The following TMEM236 variants were observed in gnomAD, a reference collection of about 807,000 sequenced individuals.
TMEM236 encodes transmembrane protein 236.
Under a neutral mutation model 14.7 loss-of-function variants are expected in TMEM236, and 11 were observed. The observed-to-expected ratio is 0.75, with a 90% CI of 0.47 to 1.24. TMEM236 has a LOEUF of 1.24. Among genes scored for constraint, TMEM236 ranks in the 50% most tolerant of loss-of-function variants. TMEM236 has a pLI of 0.00. For missense variants in TMEM236, 464 were observed against 427.3 expected (o/e 1.09, Z -0.76); for synonymous variants, 182 against 168.6 (o/e 1.08, Z -0.62).
rs1838017331 is a variant in TMEM236, at chr10:17,796,484, T to C, written c.1036T>C (p.Phe346Leu). The C allele has an allele frequency of 3.1e-6, 5 of 1,612,920 alleles. No individual in the cohort carries two copies. The highest frequency in any genetic ancestry group is 4.2e-6 in the Non-Finnish European group (5 of 1,179,170). ...AACCAGAATCAGGATTTTTTCTGCC[T>C]TTGAAATGTCTCCATTTTAAAAAGG... Reference protein sequence around the residue: ...YLTRIRIFSAFEMSPF With the variant: ...YLTRIRIFSALEMSPF The change falls in exon 4 of 4, where the codon TTT becomes CTT. Residue 346 changes from phenylalanine to leucine, a missense_variant. Phe to Leu is a conservative substitution (Grantham distance 22). Transcript: ENST00000377495.
chr10:17,782,276 TATAAAA>T (rs1837763485), intron 3 of TMEM236, among the ~76,000 whole-genome samples: 1 of 152,170 alleles, frequency 6.6e-6, no homozygotes, highest in African/African-American at 2.4e-5. Context: ...TTTAAAAAGT[TATAAAA>T]TAGAGATAAA....
chr10:17,774,550 G>A (rs1837627710), intron 2 of TMEM236, among the ~76,000 whole-genome samples: 1 of 152,076 alleles, frequency 6.6e-6, no homozygotes, highest in Admixed American at 6.5e-5. Flanking sequence ...ATCAAGTGTA[G>A]ATATACATAA....
chr10:17,798,804 G>A lies in TMEM236; in HGVS notation c.*2300G>A, dbSNP rs1838054509. Reference sequence around the variant, plus strand: ...GGTTAGGAGGGTTAAAGGGTAAAGAGTCCTTTGAGCACATTTTCTGGCAAA... The same window carrying A: ...GGTTAGGAGGGTTAAAGGGTAAAGAATCCTTTGAGCACATTTTCTGGCAAA... On this transcript the variant is annotated 3_prime_UTR_variant, in exon 4 of 4. Transcript: ENST00000377495. 2.3e-6 allele frequency: 1 copy of A among 429,210 alleles called. No individual in the cohort carries two copies. The highest frequency in any genetic ancestry group is 4.8e-6 in the Non-Finnish European group (1 of 210,198). The allele number at this position is 429,210 out of a possible 1,614,324, so 26.6% of individuals were successfully genotyped here. A position where few individuals can be genotyped will look rare whatever the true frequency, so the allele number is the denominator to read the frequency against.
At chr10:17,792,426 T>C (rs1837941400) in intron 3 of TMEM236, among the ~76,000 whole-genome samples, 1 of 152,208 alleles carries the variant, frequency 6.6e-6, no homozygotes. Context: ...TCCTGTTCTC[T>C]TTGCAAGAGA....
chr10:17,796,759 A>G lies in TMEM236; in HGVS notation c.*255A>G. 1 of 484,464 alleles carries G rather than the reference A, an allele frequency of 2.1e-6. No homozygotes were observed. Among genetic ancestry groups the G allele is most frequent in the Non-Finnish European group, 3.7e-6 (1 of 270,244 alleles). The allele number at this position is 484,464 out of a possible 1,614,324, so 30.0% of individuals were successfully genotyped here. ...AAAATGTTAGCAGCTAATTTTAGTT[A>G]GTTATGTATACTGAGGTCCCCAACC... On this transcript the variant is annotated 3_prime_UTR_variant, in exon 4 of 4. Coordinates refer to ENST00000377495, the MANE Select transcript of TMEM236 (RefSeq NM_001098844.3).
chr10:17,775,862 G>C (rs888364946), intron 2 of TMEM236, among the ~76,000 whole-genome samples, 167 bp from the exon 3 acceptor site: 6 of 152,268 alleles, frequency 3.9e-5, no homozygotes, highest in African/African-American at 1.4e-4. Flanking sequence ...CTTTAGAAAT[G>C]ATTCAAAACC....
intron 1 of TMEM236, among the ~76,000 whole-genome samples, chr10:17,770,222 T>A (rs1837546680): frequency 6.6e-6 from 1 of 152,174 alleles, no homozygotes; most frequent in African/African-American, 2.4e-5. Context: ...CAACACTGCT[T>A]GTACATAGAA....
At chr10:17,777,774 G>A (rs967733209) in intron 3 of TMEM236, among the ~76,000 whole-genome samples, 29 of 151,990 alleles carry the variant, frequency 1.9e-4, no homozygotes, top group Middle Eastern at 6.8e-3. Context: ...TTTTTGAGAC[G>A]GAGTCTTGCT....
At chr10:17,789,482 T>C (rs1031615973) in intron 3 of TMEM236, among the ~76,000 whole-genome samples, 1 of 152,240 alleles carries the variant, frequency 6.6e-6, no homozygotes, top group African/African-American at 2.4e-5. Flanking sequence ...TTAAGTGCTT[T>C]ACAGATGCTG....
intron 1 of TMEM236, 106 bp from the exon 2 acceptor site, chr10:17,771,203 G>T: frequency 2.8e-6 from 3 of 1,055,964 alleles, no homozygotes; most frequent in South Asian, 2.6e-5. Context: ...CAGCTTCTTA[G>T]AAAAACTATA....
Position 17,776,161 on chromosome 10 carries a change from A to G in TMEM236, c.463A>G (p.Ser155Gly), listed in dbSNP as rs1463943317. 2.5e-6 allele frequency: 4 copies of G among 1,611,760 alleles called. No homozygotes were observed. The highest frequency in any genetic ancestry group is 2.2e-5 in the East Asian group (1 of 44,848). The change falls in exon 3 of 4, where the codon AGT (serine) becomes GGT (glycine). Residue 155 changes from serine to glycine, a missense_variant. Ser to Gly is a moderately conservative substitution (Grantham distance 56). Transcript: ENST00000377495. ...EKLRIYPLRG[S>G]QKSSENGHIH... Reference sequence around the variant, plus strand: ...ACTCAGGATATATCCTCTTAGAGGGAGTCAAAAGAGTAAGTGTTCTTTTAA... The same window carrying G: ...ACTCAGGATATATCCTCTTAGAGGGGGTCAAAAGAGTAAGTGTTCTTTTAA...
At chr10:17,765,430 C>G (rs1837447093) in intron 1 of TMEM236, among the ~76,000 whole-genome samples, 1 of 152,190 alleles carries the variant, frequency 6.6e-6, no homozygotes, top group South Asian at 2.1e-4. Flanking sequence ...ACATCATCAA[C>G]TCAAAATCCC....
chr10:17,796,398 C>G lies in TMEM236; in HGVS notation c.950C>G (p.Pro317Arg). The G allele has an allele frequency of 1.2e-6, 2 of 1,613,792 alleles. No individual in the cohort carries two copies. Among genetic ancestry groups the G allele is most frequent in the Non-Finnish European group, 1.7e-6 (2 of 1,179,792 alleles). The change falls in exon 4 of 4, where the codon CCC becomes CGC. Residue 317 changes from proline to arginine, a missense_variant. Coordinates refer to ENST00000377495, the MANE Select transcript of TMEM236 (RefSeq NM_001098844.3). The part of the protein sequence containing the change: ...GLIIALGTIT[P>R]VLGLCKNILV... ...ATCATTGCCCTGGGGACTATCACAC[C>G]CGTACTGGGCCTGTGTAAAAATATC...
At chr10:17,785,360 C>T (rs1207357633) in intron 3 of TMEM236, among the ~76,000 whole-genome samples, 1 of 152,104 alleles carries the variant, frequency 6.6e-6, no homozygotes, top group Non-Finnish European at 1.5e-5. Flanking sequence ...TTATGATGCC[C>T]ACTCTGAGAA....
intron 1 of TMEM236, among the ~76,000 whole-genome samples, chr10:17,770,749 T>C (rs1837557857): frequency 6.6e-6 from 1 of 152,212 alleles, no homozygotes; most frequent in Non-Finnish European, 1.5e-5. Context: ...AGCTATTTGA[T>C]TGGTTGATCA....
At chr10:17,775,947 G>A in intron 2 of TMEM236, 82 bp from the exon 3 acceptor site, 4 of 1,494,436 alleles carry the variant, frequency 2.7e-6, no homozygotes, top group Non-Finnish European at 3.7e-6. Flanking sequence ...AATTAATTTA[G>A]TGCTGCATTC....
chr10:17,769,880 G>A (rs370219174), intron 1 of TMEM236, among the ~76,000 whole-genome samples: 6,260 of 152,192 alleles, frequency 0.041, 249 homozygotes, highest in East Asian at 0.21. Context: ...GTGCATGTTC[G>A]TTACACTGGT....
At chr10:17,770,032 T>C (rs1837542280) in intron 1 of TMEM236, among the ~76,000 whole-genome samples, 1 of 152,130 alleles carries the variant, frequency 6.6e-6, no homozygotes, top group Non-Finnish European at 1.5e-5. Context: ...TTCCCACCTT[T>C]ATGTCCATGA....
rs1240287458 is a variant in TMEM236, at chr10:17,800,437, A to G, written c.*3933A>G. Reference sequence around the variant, plus strand: ...TTTTACAAAAAATTCTAATACCTGTAATACACTTTTTAGTGCCTTTTCTTT... The same window carrying G: ...TTTTACAAAAAATTCTAATACCTGTGATACACTTTTTAGTGCCTTTTCTTT... On this transcript the variant is annotated 3_prime_UTR_variant, in exon 4 of 4. Transcript: ENST00000377495. 1 of 152,130 alleles carries G rather than the reference A, an allele frequency of 6.6e-6. No individual in the cohort carries two copies. The highest frequency in any genetic ancestry group is 2.4e-5 in the African/African-American group (1 of 41,432). The allele number at this position is 152,130 out of a possible 1,614,324, so 9.4% of individuals were successfully genotyped here.
Sources: allele counts gnomAD v4.1 joint callset (sites outside exome capture counted in the v4.1 genomes callset), GRCh38; gene constraint gnomAD v4.1.1; transcripts MANE v1.5; gene names NCBI Gene and HGNC (gene_info 2026-07-23, HGNC 2026-07-21).